The following LYZL2 variants were observed in gnomAD, a reference collection of about 807,000 sequenced individuals.
LYZL2 encodes lysozyme like 2.
Under a neutral mutation model 17.1 loss-of-function variants are expected in LYZL2, and 13 were observed. The ratio of observed to expected loss-of-function variants is 0.76; its 90% CI spans 0.49 to 1.21. The LOEUF is 1.21. LYZL2 is among the 50% of genes most tolerant of loss of function. The pLI, the probability that LYZL2 is intolerant of heterozygous loss-of-function variation, is 0.00. For synonymous variants in LYZL2, 63 were observed against 74.4 expected (o/e 0.85, Z 0.79); for missense variants, 166 against 189.2 (o/e 0.88, Z 0.72).
At chr10:30,626,440 A>C (rs1203865721) in intron 2 of LYZL2, among the ~76,000 whole-genome samples, 177 bp from the exon 3 acceptor site, 1 of 152,208 alleles carries the variant, frequency 6.6e-6, no homozygotes, top group Non-Finnish European at 1.5e-5. Flanking sequence ...AGGGGCTGGG[A>C]TGGCACACCT....
chr10:30,617,506 C>G (rs1489497130), intron 3 of LYZL2, among the ~76,000 whole-genome samples: 1 of 151,550 alleles, frequency 6.6e-6, no homozygotes, highest in African/African-American at 2.4e-5. Flanking sequence ...CAAAACCTGT[C>G]TCTACTAAAA....
At chr10:30,607,966 T>G, downstream of LYZL2, among the ~76,000 whole-genome samples, 1 of 152,162 alleles carries the variant, frequency 6.6e-6, no homozygotes, top group East Asian at 1.9e-4. Context: ...AGCCTACGTA[T>G]CTTGCTGTGT....
Position 30,629,738 on chromosome 10 carries a change from C to T in LYZL2, c.-171G>A, listed in dbSNP as rs372437241. ...AGCCATGTCTGATTCTAACAAGGCT[C>T]GAGTAATCCTTTCCTAGCTCAAGAA... On this transcript the variant is annotated 5_prime_UTR_variant, in exon 1 of 5. Transcript: ENST00000647634. The T allele has an allele frequency of 2.7e-5, 42 of 1,579,156 alleles. 1 individual carries two copies. The highest frequency in any genetic ancestry group is 1.4e-4 in the South Asian group (12 of 88,288).
intron 3 of LYZL2, among the ~76,000 whole-genome samples, chr10:30,620,940 T>C (rs913270328): frequency 3.4e-5 from 5 of 146,078 alleles, no homozygotes; most frequent in African/African-American, 1.3e-4. Flanking sequence ...GAGGGAAAAA[T>C]ACTAAAAAAC....
At chr10:30,628,138 C>G (rs1264102994) in intron 1 of LYZL2, among the ~76,000 whole-genome samples, 1 of 151,384 alleles carries the variant, frequency 6.6e-6, no homozygotes, top group Non-Finnish European at 1.5e-5. Flanking sequence ...CCAGCCTGGG[C>G]GACAGAGCGA....
At chr10:30,621,092 A>G (rs1309862095) in intron 3 of LYZL2, among the ~76,000 whole-genome samples, 1 of 152,232 alleles carries the variant, frequency 6.6e-6, no homozygotes, top group Non-Finnish European at 1.5e-5. Flanking sequence ...ACTCAGGGAT[A>G]CAAAATGTTA....
intron 3 of LYZL2, among the ~76,000 whole-genome samples, chr10:30,613,377 G>T (rs1003371133): frequency 6.6e-6 from 1 of 151,962 alleles, no homozygotes; most frequent in African/African-American, 2.4e-5. Flanking sequence ...CACACCTGTG[G>T]TCTCAGCTAC....
At chr10:30,611,569 AGGAAAG>A (rs1343217692), downstream of LYZL2, among the ~76,000 whole-genome samples, 1 of 89,300 alleles carries the variant, frequency 1.1e-5, no homozygotes, top group African/African-American at 4.9e-5. Context: ...GAAGGAAGGA[AGGAAAG>A]AAAGAAAGAA....
chr10:30,608,472 T>C (rs1838398683), downstream of LYZL2, among the ~76,000 whole-genome samples: 1 of 152,160 alleles, frequency 6.6e-6, no homozygotes, highest in Admixed American at 6.5e-5. Flanking sequence ...TGTGCCATAT[T>C]TGAGACACTC....
At chr10:30,616,973 A>G (rs1042201415) in intron 3 of LYZL2, among the ~76,000 whole-genome samples, 2 of 152,068 alleles carry the variant, frequency 1.3e-5, no homozygotes, top group African/African-American at 4.8e-5. Flanking sequence ...GGTACCTGAT[A>G]TATGTTCAAA....
At chr10:30,628,757 C>T (rs938821134) in intron 1 of LYZL2, among the ~76,000 whole-genome samples, 3 of 152,140 alleles carry the variant, frequency 2.0e-5, no homozygotes, top group Non-Finnish European at 2.9e-5. Context: ...GCAAGGCCAC[C>T]GCACCGAGTA....
At chr10:30,610,536 C>T (rs144261019), downstream of LYZL2, among the ~76,000 whole-genome samples, 174 of 152,162 alleles carry the variant, frequency 1.1e-3, 1 homozygote, top group Non-Finnish European at 1.9e-3. Context: ...CACACTGGGG[C>T]CTGTTGAGGG....
intron 3 of LYZL2, among the ~76,000 whole-genome samples, chr10:30,620,971 G>T (rs1506784): frequency 0.091 from 13,872 of 152,068 alleles, 802 homozygotes; most frequent in African/African-American, 0.16. Context: ...AATGATGAAT[G>T]GTACAGCATC....
intron 4 of LYZL2, 108 bp from the exon 5 acceptor site, chr10:30,612,132 T>C: frequency 7.5e-7 from 1 of 1,338,076 alleles, no homozygotes; most frequent in South Asian, 1.3e-5. Flanking sequence ...GAACCCTGGG[T>C]TGGGTTTCAT....
downstream of LYZL2, among the ~76,000 whole-genome samples, chr10:30,610,180 G>T (rs564459907): frequency 6.6e-6 from 1 of 152,218 alleles, no homozygotes; most frequent in East Asian, 1.9e-4. Context: ...ACTAATTTGT[G>T]TTGGGCCACA....
At chr10:30,607,361 G>A (rs1250601720), downstream of LYZL2, among the ~76,000 whole-genome samples, 1 of 151,982 alleles carries the variant, frequency 6.6e-6, no homozygotes, top group East Asian at 1.9e-4. Context: ...ATCAGCAAAG[G>A]AGGCCCCAGT....
downstream of LYZL2, chr10:30,611,775 C>G (rs993741063): frequency 3.3e-6 from 3 of 922,472 alleles, no homozygotes; most frequent in Admixed American, 3.4e-5. Context: ...AAAAGGGAAC[C>G]GAGTCAGGGT....
chr10:30,615,536 T>A (rs1420659941), intron 3 of LYZL2, among the ~76,000 whole-genome samples: 1 of 152,258 alleles, frequency 6.6e-6, no homozygotes, highest in Admixed American at 6.5e-5. Context: ...TCTCTCTCTC[T>A]CTCTCTGTCT....
rs775872336 is a variant in LYZL2, at chr10:30,626,201, C to T, written c.202G>A (p.Gly68Ser). ...TGGAAGATGCCGTAGTCGATGCTGC[C>T]GTCATCCAGGACCGTCTGGGCTGTG... The part of the protein sequence containing the change: ...NTTAQTVLDD[G>S]SIDYGIFQIN... The change falls in exon 3 of 5, where the codon GGC becomes AGC. Residue 68 changes from glycine to serine, a missense_variant. This residue lies in a region of LYZL2 where 134 missense variants were observed against 129.4 expected (regional missense o/e 1.04). Transcript: ENST00000647634. 10 of 1,614,236 alleles carry T rather than the reference C, an allele frequency of 6.2e-6. No homozygotes were observed. The highest frequency in any genetic ancestry group is 3.3e-5 in the Admixed American group (2 of 60,028).
Sources: gnomAD v4.1 joint callset for allele counts (sites outside exome capture counted in the v4.1 genomes callset) on GRCh38, gnomAD v4.1.1 for gene constraint, gnomAD v4.1.1 regional missense constraint, MANE v1.5 for transcripts, NCBI Gene and HGNC (gene_info 2026-07-23, HGNC 2026-07-21) for gene names.